HS3ST5: variants seen among roughly 807,000 people sequenced by gnomAD.
HS3ST5 encodes heparan sulfate-glucosamine 3-sulfotransferase 5.
A neutral mutation model predicts 25.4 loss-of-function variants in HS3ST5; 10 were observed. The ratio of observed to expected loss-of-function variants is 0.39; its 90% CI spans 0.24 to 0.67. HS3ST5 has a LOEUF of 0.67. Among genes scored for constraint, HS3ST5 ranks in the 30% least tolerant of loss-of-function variants. HS3ST5 has a pLI of 0.44. For missense variants in HS3ST5, 324 were observed against 420.7 expected (o/e 0.77, Z 2.01); for synonymous variants, 170 against 162.4 (o/e 1.05, Z -0.36).
At chr6:114,306,256 T>TATATATGTAC (rs756494412) in intron 1 of HS3ST5, among the ~76,000 whole-genome samples, 18,817 of 114,830 alleles carry the variant, frequency 0.16, 1,517 homozygotes, top group Middle Eastern at 0.26. Flanking sequence ...TATATATATA[T>TATATATGTAC]ACACACACAC....
chr6:114,144,968 G>A (rs1011805687), intron 3 of HS3ST5, among the ~76,000 whole-genome samples: 3 of 152,202 alleles, frequency 2.0e-5, no homozygotes, highest in African/African-American at 7.2e-5. Flanking sequence ...TGACATACCT[G>A]TGTCTGCAGA....
At chr6:114,152,586 C>T (rs1231614806) in intron 3 of HS3ST5, among the ~76,000 whole-genome samples, 1 of 152,166 alleles carries the variant, frequency 6.6e-6, no homozygotes, top group East Asian at 1.9e-4. Flanking sequence ...TACAGATTTG[C>T]TTTTCTCATC....
At chr6:114,141,440 G>A (rs1260659586) in intron 3 of HS3ST5, among the ~76,000 whole-genome samples, 3 of 152,148 alleles carry the variant, frequency 2.0e-5, no homozygotes, top group African/African-American at 2.4e-5. Context: ...CTAAGCATAC[G>A]AGGGGTAAGA....
In HS3ST5 at chr6:114,154,738, T is replaced by C. The variant is rs114636808; in HGVS notation, c.-33+13613A>G. Among the ~76,000 whole-genome samples the C allele has an allele frequency of 6.6e-3, 1,000 of 152,246 alleles. 13 individuals are homozygous for C. Among genetic ancestry groups the C allele is most frequent in the African/African-American group, 0.023 (955 of 41,526 alleles). On this transcript the variant is annotated intron_variant, in intron 3 of 4. Coordinates refer to ENST00000312719, the MANE Select transcript of HS3ST5 (RefSeq NM_153612.4). ...GGCACATAAACATGTAGCAAGTTCCTGCCTCTGGCATTTTCTGGTCATGTT... is the reference window on the plus strand; with the variant it reads ...GGCACATAAACATGTAGCAAGTTCCCGCCTCTGGCATTTTCTGGTCATGTT...
chr6:114,107,662 T>C (rs1776060936), intron 3 of HS3ST5, among the ~76,000 whole-genome samples: 1 of 152,210 alleles, frequency 6.6e-6, no homozygotes, highest in African/African-American at 2.4e-5. Context: ...GTTAGTGAGG[T>C]TGCAGAATAC....
intron 1 of HS3ST5, among the ~76,000 whole-genome samples, chr6:114,255,917 T>A (rs1772887205): frequency 6.6e-6 from 1 of 152,188 alleles, no homozygotes; most frequent in Non-Finnish European, 1.5e-5. Flanking sequence ...TTTTCCCCAT[T>A]GTCTTGGTGA....
At chr6:114,250,410 T>G (rs1282122041) in intron 1 of HS3ST5, among the ~76,000 whole-genome samples, 2 of 151,986 alleles carry the variant, frequency 1.3e-5, no homozygotes, top group African/African-American at 4.8e-5. Context: ...TGAAACCCCG[T>G]CTCTACTAAA....
chr6:114,067,562 C>T (rs1359878574), intron 3 of HS3ST5, among the ~76,000 whole-genome samples: 1 of 152,110 alleles, frequency 6.6e-6, no homozygotes, highest in Non-Finnish European at 1.5e-5. Flanking sequence ...GTTTTGCTCC[C>T]TGGGATTAGA....
At chr6:114,217,991 C>CTTCTT (rs893871941) in intron 2 of HS3ST5, among the ~76,000 whole-genome samples, 12 of 152,006 alleles carry the variant, frequency 7.9e-5, no homozygotes, top group Non-Finnish European at 1.3e-4. Context: ...ATACGTATTT[C>CTTCTT]TTCTTTTCTT....
At chr6:114,310,151 T>C (rs1012977912) in intron 1 of HS3ST5, among the ~76,000 whole-genome samples, 2 of 152,182 alleles carry the variant, frequency 1.3e-5, no homozygotes, top group Admixed American at 6.5e-5. Context: ...AAGACTTAGA[T>C]TTAAATCCAA....
At chr6:114,191,168 C>T (rs556635210) in intron 2 of HS3ST5, among the ~76,000 whole-genome samples, 69 of 152,248 alleles carry the variant, frequency 4.5e-4, no homozygotes, top group African/African-American at 1.6e-3. Context: ...TATATCCTGA[C>T]AGTTTTTCCT....
intron 1 of HS3ST5, among the ~76,000 whole-genome samples, chr6:114,282,417 A>G (rs1774154040): frequency 1.3e-5 from 2 of 151,960 alleles, no homozygotes; most frequent in African/African-American, 4.8e-5. Context: ...AGAACGCCAA[A>G]ATAAACCTAA....
At chr6:114,078,611 T>A (rs963453442) in intron 3 of HS3ST5, among the ~76,000 whole-genome samples, 2 of 152,200 alleles carry the variant, frequency 1.3e-5, no homozygotes, top group African/African-American at 4.8e-5. Flanking sequence ...CACAAGATAT[T>A]TTATTCTCCA....
chr6:114,334,774 C>T (rs1776541682), intron 1 of HS3ST5, among the ~76,000 whole-genome samples: 1 of 152,134 alleles, frequency 6.6e-6, no homozygotes, highest in South Asian at 2.1e-4. Flanking sequence ...CAATGCATAT[C>T]CCAGAATGTA....
intron 3 of HS3ST5, among the ~76,000 whole-genome samples, chr6:114,167,045 G>A (rs1251364497): frequency 6.6e-6 from 1 of 152,190 alleles, no homozygotes; most frequent in Non-Finnish European, 1.5e-5. Context: ...AAGTGCAGTG[G>A]TGCGATCATA....
intron 3 of HS3ST5, among the ~76,000 whole-genome samples, chr6:114,073,544 G>A (rs370464901): frequency 2.0e-5 from 3 of 152,114 alleles, no homozygotes; most frequent in Non-Finnish European, 2.9e-5. Flanking sequence ...AAAAATGCTC[G>A]TCATCACTGG....
chr6:114,113,511 C>T (rs1341883545), intron 3 of HS3ST5, among the ~76,000 whole-genome samples: 1 of 151,794 alleles, frequency 6.6e-6, no homozygotes, highest in African/African-American at 2.4e-5. Flanking sequence ...GAATGATCTT[C>T]CTCTCCTTCA....
intron 3 of HS3ST5, among the ~76,000 whole-genome samples, chr6:114,109,609 G>A (rs909817816): frequency 6.6e-6 from 1 of 152,156 alleles, no homozygotes; most frequent in African/African-American, 2.4e-5. Context: ...TGCTTCCTGG[G>A]TAATGGATAT....
intron 2 of HS3ST5, among the ~76,000 whole-genome samples, chr6:114,209,173 G>T (rs1781403328): frequency 6.6e-6 from 1 of 152,088 alleles, no homozygotes; most frequent in African/African-American, 2.4e-5. Context: ...TTTACATTCT[G>T]CATTGCCAGT....
Sources: allele counts gnomAD v4.1 joint callset (sites outside exome capture counted in the v4.1 genomes callset), GRCh38; gene constraint gnomAD v4.1.1; transcripts MANE v1.5; gene names NCBI Gene and HGNC (gene_info 2026-07-23, HGNC 2026-07-21).